The following COPG1 variants were observed in gnomAD, a reference collection of about 807,000 sequenced individuals.
The protein encoded by COPG1 is coatomer subunit gamma-1.
In COPG1, 29 loss-of-function variants were observed where a neutral mutation model predicts 102.8. The observed-to-expected ratio is 0.28, with a 90% CI of 0.21 to 0.38. The LOEUF is 0.38. COPG1 is among the 10% of genes least tolerant of loss of function. The pLI is 1.00. For synonymous variants in COPG1, 406 were observed against 421.6 expected, an observed-to-expected ratio of 0.96 and a Z score of 0.45; for missense variants, 875 against 1,132.7, an observed-to-expected ratio of 0.77 and a Z score of 3.27.
chr3:129,274,809 G>C (rs1560068832), intron 21 of COPG1, 29 bp from the exon 22 acceptor site: 1 of 1,605,680 alleles, frequency 6.2e-7, no homozygotes. Flanking sequence ...GTGTAGATGG[G>C]TGCCTGATTT....
chr3:129,267,530 A>G (rs1940089606), intron 15 of COPG1, among the ~76,000 whole-genome samples: 1 of 152,124 alleles, frequency 6.6e-6, no homozygotes, highest in South Asian at 2.1e-4. Context: ...CTGAGGCAGG[A>G]GAATGGTGTG....
At chr3:129,259,646 A>G (rs1279561544) in intron 10 of COPG1, among the ~76,000 whole-genome samples, 1 of 152,172 alleles carries the variant, frequency 6.6e-6, no homozygotes, top group Non-Finnish European at 1.5e-5. Flanking sequence ...AAGCCAAGTT[A>G]TGAAGAAAGG....
At position 129,254,710 on chromosome 3, in the gene COPG1, C is replaced by T. The variant is rs1256193425; in HGVS notation, c.366C>T (p.Gly122=). Residue 122 remains glycine, a synonymous_variant, in exon 6 of 24, where the codon GGC becomes GGT. Transcript: ENST00000314797. ...DMTGKEDNYR[G]PAVRALCQIT... ...CTGGGAAAGAAGACAACTACCGGGG[C>T]CCGGCCGTGCGAGCCCTCTGCCAGA... The T allele has an allele frequency of 6.8e-6, 11 of 1,614,126 alleles. No homozygotes were observed. The highest frequency in any genetic ancestry group is 2.2e-5 in the East Asian group (1 of 44,890).
Position 129,249,638 on chromosome 3 carries a change from A to C in COPG1, c.-72A>C, listed in dbSNP as rs370325284. The C allele has an allele frequency of 6.6e-7, 1 of 1,526,194 alleles. No individual in the cohort carries two copies. Among genetic ancestry groups the C allele is most frequent in the Non-Finnish European group, 8.9e-7 (1 of 1,126,500 alleles). The allele number at this position is 1,526,194 out of a possible 1,614,324, so 94.5% of individuals were successfully genotyped here. A position where few individuals can be genotyped will look rare whatever the true frequency, so the allele number is the denominator to read the frequency against. Reference sequence around the variant, plus strand: ...GCCCGGAAGTGGTCCCTGTAGAACCACTGTGGCACCGCTACTCCGTGCCGC... The same window carrying C: ...GCCCGGAAGTGGTCCCTGTAGAACCCCTGTGGCACCGCTACTCCGTGCCGC... On this transcript the variant is annotated 5_prime_UTR_variant, in exon 1 of 24. Coordinates refer to ENST00000314797, the MANE Select transcript of COPG1 (RefSeq NM_016128.4).
chr3:129,271,984 G>A lies in COPG1; in HGVS notation c.1986+75G>A, dbSNP rs1203990372. 1.3e-6 allele frequency: 2 copies of A among 1,524,202 alleles called. No homozygotes were observed. Among genetic ancestry groups the A allele is most frequent in the Non-Finnish European group, 1.8e-6 (2 of 1,122,756 alleles). The allele number at this position is 1,524,202 out of a possible 1,614,324, so 94.4% of individuals were successfully genotyped here. A position where few individuals can be genotyped will look rare whatever the true frequency, so the allele number is the denominator to read the frequency against. ...TCCCAGGTCTGGCAGGTCCTGTAGGGTCATGGGTCCCCACACTGCATTGGT... is the reference window on the plus strand; with the variant it reads ...TCCCAGGTCTGGCAGGTCCTGTAGGATCATGGGTCCCCACACTGCATTGGT... On this transcript the variant is annotated intron_variant, in intron 19 of 23. Coordinates refer to ENST00000314797, the MANE Select transcript of COPG1 (RefSeq NM_016128.4). This position sits in a 1 kb window ranked among gnomAD's most constrained non-coding sequence, Gnocchi z 4.7.
intron 13 of COPG1, among the ~76,000 whole-genome samples, chr3:129,264,815 A>T (rs768501686): frequency 1.3e-5 from 2 of 150,702 alleles, no homozygotes; most frequent in Non-Finnish European, 3.0e-5. Flanking sequence ...TGTATGCATG[A>T]TAGCAGTTTT....
intron 14 of COPG1, among the ~76,000 whole-genome samples, chr3:129,266,209 A>G (rs1474581747): frequency 6.6e-6 from 1 of 152,120 alleles, no homozygotes; most frequent in Non-Finnish European, 1.5e-5. Flanking sequence ...TGACCTCATC[A>G]TCTGCCCGCC....
In COPG1 at chr3:129,265,594, A is replaced by G. The variant is rs1390671239; in HGVS notation, c.1270A>G (p.Ile424Val). The change falls in exon 14 of 24, where the codon ATC (isoleucine) becomes GTC (valine). Residue 424 changes from isoleucine (I) to valine (V), a missense_variant. Ile to Val is a conservative substitution (Grantham distance 29). Coordinates refer to ENST00000314797, the MANE Select transcript of COPG1 (RefSeq NM_016128.4). Reference protein sequence around the residue: ...KRAIVDCIISIIEENSESKET... With the variant: ...KRAIVDCIISVIEENSESKET... The stretch of plus-strand genomic sequence containing the variant: ...CGCTATCGTGGACTGCATCATCAGC[A>G]TCATTGAAGAGAACTCAGAGAGCAA... 30 of 1,614,078 alleles carry G rather than the reference A, an allele frequency of 1.9e-5. No individual in the cohort carries two copies. The highest frequency in any genetic ancestry group is 2.5e-5 in the Non-Finnish European group (29 of 1,180,044).
intron 21 of COPG1, chr3:129,274,182 T>G: frequency 7.3e-6 from 3 of 409,124 alleles, no homozygotes; most frequent in East Asian, 7.4e-5. Context: ...CATCCAGAGA[T>G]GAAGAAAAAA....
At position 129,257,765 on chromosome 3, in the gene COPG1, T is replaced by G. The variant is rs995344366; in HGVS notation, c.776T>G (p.Leu259Trp). The change falls in exon 10 of 24, where the codon TTG becomes TGG. Residue 259 changes from leucine (L) to tryptophan (W), a missense_variant. By Grantham distance (61) the Leu-to-Trp change is moderately conservative. Coordinates refer to ENST00000314797, the MANE Select transcript of COPG1 (RefSeq NM_016128.4). Reference protein sequence around the residue: ...SPLFDFIESCLRNKHEMVVYE... With the variant: ...SPLFDFIESCWRNKHEMVVYE... ...CTGTTTGACTTCATCGAGAGCTGCT[T>G]GCGCAACAAGCACGAGATGGTGGTG... 6.2e-7 allele frequency: 1 copy of G among 1,614,074 alleles called. No homozygotes were observed. Among genetic ancestry groups the G allele is most frequent in the Non-Finnish European group, 8.5e-7 (1 of 1,180,022 alleles).
At chr3:129,263,099 G>T (rs567377864) in intron 12 of COPG1, among the ~76,000 whole-genome samples, 1 of 152,192 alleles carries the variant, frequency 6.6e-6, no homozygotes, top group East Asian at 1.9e-4. Context: ...AATTCAGAAG[G>T]AGAGGATGGT....
At chr3:129,276,823 C>CTTTTTTT (rs34883126) in intron 23 of COPG1, among the ~76,000 whole-genome samples, 1 of 129,936 alleles carries the variant, frequency 7.7e-6, no homozygotes, top group African/African-American at 3.0e-5. Context: ...CAGTGACTTT[C>CTTTTTTT]TTTTTTTTTT....
chr3:129,250,637 A>G (rs2107671583), intron 1 of COPG1, 45 bp from the exon 2 acceptor site: 1 of 1,514,144 alleles, frequency 6.6e-7, no homozygotes, highest in East Asian at 2.3e-5. Context: ...GAGAGTTTTG[A>G]AGTTCAGAGT....
rs572845400 is a variant in COPG1 at position 129,268,597 on chromosome 3, C to T, written c.1751C>T (p.Ala584Val). Residue 584 changes from alanine to valine, a missense_variant, in exon 17 of 24, where the codon GCG becomes GTG. Coordinates refer to ENST00000314797, the MANE Select transcript of COPG1 (RefSeq NM_016128.4). ...CTCAAGTCTGTGCCCCTGGCCACGG[C>T]GCCCATGGCAGAGCAGAGAACAGGT... is the stretch of plus-strand genomic sequence containing the variant. ...FDLKSVPLAT[A>V]PMAEQRTEST... The T allele has an allele frequency of 4.4e-5, 71 of 1,614,168 alleles. 1 individual carries two copies. In the Admixed American group the frequency reaches 9.3e-4, roughly 21 times the overall value.
At chr3:129,263,822 A>G in intron 12 of COPG1, 82 bp from the exon 13 acceptor site, 2 of 1,177,226 alleles carry the variant, frequency 1.7e-6, no homozygotes, top group Non-Finnish European at 2.5e-6. Flanking sequence ...TACCTAAGGA[A>G]GGACTCAGTG....
intron 21 of COPG1, among the ~76,000 whole-genome samples, chr3:129,273,328 A>T (rs1005425923): frequency 6.6e-6 from 1 of 152,238 alleles, no homozygotes; most frequent in Non-Finnish European, 1.5e-5. Flanking sequence ...CCGGCCTAAA[A>T]TAACTTTTTA....
At chr3:129,262,275 T>G (rs973058625) in intron 12 of COPG1, among the ~76,000 whole-genome samples, 4 of 150,610 alleles carry the variant, frequency 2.7e-5, no homozygotes, top group African/African-American at 9.8e-5. Context: ...TTTTTTGAGT[T>G]GGAGTCTCGC....
Position 129,257,460 on chromosome 3 carries a change from T to C in COPG1, c.580-10T>C. 1 of 1,614,130 alleles carries C rather than the reference T, an allele frequency of 6.2e-7. No individual in the cohort carries two copies. The highest frequency in any genetic ancestry group is 8.5e-7 in the Non-Finnish European group (1 of 1,179,942). ...ACATTTGTACTCTGTTGCTGTCTCC[T>C]GTCCTATAGTACCACGCACTAGGGC... is the stretch of plus-strand genomic sequence containing the variant. On this transcript the variant is annotated splice_polypyrimidine_tract_variant and intron_variant, in intron 8 of 23. Coordinates refer to ENST00000314797, the MANE Select transcript of COPG1 (RefSeq NM_016128.4).
intron 12 of COPG1, among the ~76,000 whole-genome samples, chr3:129,262,283 C>T (rs1259535760): frequency 2.7e-5 from 4 of 149,296 alleles, no homozygotes; most frequent in Non-Finnish European, 5.9e-5. Context: ...GTTGGAGTCT[C>T]GCTCTGTTGC....
Sources: allele counts gnomAD v4.1 joint callset (sites outside exome capture counted in the v4.1 genomes callset), GRCh38; gene constraint gnomAD v4.1.1; non-coding constraint Gnocchi (gnomAD v3.1); transcripts MANE v1.5; gene names NCBI Gene and HGNC (gene_info 2026-07-23, HGNC 2026-07-21).